ZNF596: variants seen among roughly 807,000 people sequenced by gnomAD.
The protein encoded by ZNF596 is zinc finger protein 596.
In ZNF596, 45 loss-of-function variants were observed where a neutral mutation model predicts 48.3. The ratio of observed to expected loss-of-function variants is 0.93; its 90% CI spans 0.73 to 1.19. The LOEUF is 1.19. ZNF596 is among the 50% of genes most tolerant of loss of function. ZNF596 has a pLI of 0.00. For missense variants in ZNF596, 848 were observed against 599.7 expected (o/e 1.41, Z -4.32); for synonymous variants, 270 against 202.0 (o/e 1.34, Z -2.85).
chr8:240,805 T>C lies in ZNF596; in HGVS notation c.-72-19T>C. The C allele has an allele frequency of 1.3e-6, 2 of 1,544,898 alleles. No homozygotes were observed. Among genetic ancestry groups the C allele is most frequent in the Non-Finnish European group, 1.8e-6 (2 of 1,118,242 alleles). Reference sequence around the variant, plus strand: ...TGGAGTGTCATGGTTTTTTTGTTTTTGTTTTTGTTTTTGCTCAGATTTGTC... The same window carrying C: ...TGGAGTGTCATGGTTTTTTTGTTTTCGTTTTTGTTTTTGCTCAGATTTGTC... On this transcript the variant is annotated intron_variant, in intron 1 of 5. Coordinates refer to ENST00000398612, the MANE Select transcript of ZNF596 (RefSeq NM_001042416.3).
At chr8:243,043 A>T (rs899091699) in intron 3 of ZNF596, 30 bp downstream of exon 3, 1 of 1,570,942 alleles carries the variant, frequency 6.4e-7, no homozygotes, top group South Asian at 1.1e-5. Flanking sequence ...TTATGTATGT[A>T]TATACGGATT....
chr8:244,756 CA>C lies in ZNF596; in HGVS notation c.306+57del. 4.1e-6 allele frequency: 6 copies of C among 1,473,676 alleles called. No individual in the cohort carries two copies. In the South Asian group the frequency reaches 7.2e-5, roughly 18 times the overall value. The allele number at this position is 1,473,676 out of a possible 1,614,324, so 91.3% of individuals were successfully genotyped here. A position where few individuals can be genotyped will look rare whatever the true frequency, so the allele number is the denominator to read the frequency against. On this transcript the variant is annotated intron_variant, in intron 5 of 5. Coordinates refer to ENST00000398612, the MANE Select transcript of ZNF596 (RefSeq NM_001042416.3). ...TACATATAGAAACCTGGACATTAAACAACTTTGGAATTTGGTACAGGTACCT... is the reference window on the plus strand; with the variant it reads ...TACATATAGAAACCTGGACATTAAACACTTTGGAATTTGGTACAGGTACCT...
intron 1 of ZNF596, chr8:233,048 A>C (rs1393422574): frequency 2.1e-6 from 1 of 467,946 alleles, no homozygotes; most frequent in East Asian, 6.9e-5. Context: ...GTGGATGTCG[A>C]GGTGGGGCAG....
At chr8:240,693 ACCAAC>A in intron 1 of ZNF596, 126 bp from the exon 2 acceptor site, 1 of 609,784 alleles carries the variant, frequency 1.6e-6, no homozygotes. Flanking sequence ...GAGGAGAGCC[ACCAAC>A]CCAACCCACC....
intron 4 of ZNF596, chr8:244,285 T>G (rs995796474): frequency 3.6e-6 from 1 of 278,042 alleles, no homozygotes; most frequent in Non-Finnish European, 6.7e-6. Context: ...TAGGTATCAA[T>G]TTTTATTCAA....
At chr8:241,206 T>C (rs202047272) in intron 2 of ZNF596, among the ~76,000 whole-genome samples, 1 of 152,162 alleles carries the variant, frequency 6.6e-6, no homozygotes, top group East Asian at 1.9e-4. Flanking sequence ...CATGGCCTTG[T>C]TGGGGAAATA....
At chr8:240,654 A>T (rs1276629786) in intron 1 of ZNF596, 170 bp from the exon 2 acceptor site, 1 of 531,828 alleles carries the variant, frequency 1.9e-6, no homozygotes, top group Non-Finnish European at 3.4e-6. Context: ...CTTTATTAGC[A>T]GCAATAGTCA....
chr8:246,234 A>G lies in ZNF596; in HGVS notation c.1387A>G (p.Arg463Gly). The G allele has an allele frequency of 3.1e-6, 5 of 1,614,144 alleles. No homozygotes were observed. Among genetic ancestry groups the G allele is most frequent in the Non-Finnish European group, 4.2e-6 (5 of 1,180,008 alleles). Residue 463 changes from arginine (R) to glycine (G), a missense_variant, in exon 6 of 6, where the codon AGA becomes GGA. Arg to Gly is a moderately radical substitution (Grantham distance 125). Coordinates refer to ENST00000398612, the MANE Select transcript of ZNF596 (RefSeq NM_001042416.3). ...AGCCTTCAATAGAAGTTACAACTTT[A>G]GACTTCATAGAAGAGTTCACACTGG... Reference protein sequence around the residue: ...GKAFNRSYNFRLHRRVHTGEK... With the variant: ...GKAFNRSYNFGLHRRVHTGEK...
chr8:243,861 G>C (rs771270944), intron 4 of ZNF596, 56 bp downstream of exon 4: 3 of 1,438,312 alleles, frequency 2.1e-6, no homozygotes, highest in Non-Finnish European at 2.9e-6. Context: ...GCCAGTGAGT[G>C]AGTAGGACCC....
At chr8:243,677 G>C (rs1563068046) in intron 3 of ZNF596, 45 bp from the exon 4 acceptor site, 18 of 1,594,044 alleles carry the variant, frequency 1.1e-5, no homozygotes, top group Non-Finnish European at 1.5e-5. Flanking sequence ...TTGTACATTT[G>C]TCAGCACAGA....
rs149423885 is a variant in ZNF596, at chr8:245,948, A to G, written c.1101A>G (p.Leu367=). 3 of 1,614,140 alleles carry G rather than the reference A, an allele frequency of 1.9e-6. No homozygotes were observed. Among genetic ancestry groups the G allele is most frequent in the Admixed American group, 3.3e-5 (2 of 60,024 alleles). Residue 367 remains leucine (L), a synonymous_variant, in exon 6 of 6, where the codon CTA becomes CTG. Coordinates refer to ENST00000398612, the MANE Select transcript of ZNF596 (RefSeq NM_001042416.3). ...HNGEKPHGCH[L]CGKAFTESSV... is the part of the protein sequence containing the mutation. ...GAGAGAAACCACATGGATGTCATCT[A>G]TGTGGGAAAGCATTCACTGAATCTT...
intron 1 of ZNF596, among the ~76,000 whole-genome samples, chr8:238,628 CAAAAAAAAAAAAA>C (rs1167168569): frequency 2.8e-4 from 11 of 39,860 alleles, no homozygotes; most frequent in East Asian, 7.2e-4. Flanking sequence ...TGGTGAAATA[CAAAAAAAAAAAAA>C]AAAAAAAAAA....
rs768732532 is a variant in ZNF596, at chr8:245,575, G to T, written c.728G>T (p.Arg243Ile). The T allele has an allele frequency of 6.2e-7, 1 of 1,613,990 alleles. No individual in the cohort carries two copies. Among genetic ancestry groups the T allele is most frequent in the Admixed American group, 1.7e-5 (1 of 59,996 alleles). Reference sequence around the variant, plus strand: ...TGCTCTGATCTTCGAAAACATGAGAGAACTCACACTGGAGAGAAGCCATAT... The same window carrying T: ...TGCTCTGATCTTCGAAAACATGAGATAACTCACACTGGAGAGAAGCCATAT... Reference protein sequence around the residue: ...THCSDLRKHERTHTGEKPYGC... With the variant: ...THCSDLRKHEITHTGEKPYGC... The change falls in exon 6 of 6, where the codon AGA becomes ATA. Residue 243 changes from arginine (R) to isoleucine (I), a missense_variant. By Grantham distance (97) the Arg-to-Ile change is moderately conservative. Transcript: ENST00000398612.
In ZNF596 at chr8:246,154, G is replaced by T. The variant is rs751424005; in HGVS notation, c.1307G>T (p.Arg436Leu). The T allele has an allele frequency of 1.9e-6, 3 of 1,613,086 alleles. No individual in the cohort carries two copies. Among genetic ancestry groups the T allele is most frequent in the Admixed American group, 3.3e-5 (2 of 59,958 alleles). ...KAFNHSSVLR[R>L]HERTHTGEKP... ...TTCAATCACTCTTCTGTCCTTAGACGACATGAGAGAACTCACACTGGAGAG... is the reference window on the plus strand; with the variant it reads ...TTCAATCACTCTTCTGTCCTTAGACTACATGAGAGAACTCACACTGGAGAG... The change falls in exon 6 of 6, where the codon CGA becomes CTA. Residue 436 changes from arginine to leucine, a missense_variant. Transcript: ENST00000398612.
At chr8:234,059 G>A (rs185318056) in intron 1 of ZNF596, among the ~76,000 whole-genome samples, 70 of 152,246 alleles carry the variant, frequency 4.6e-4, no homozygotes, top group Admixed American at 2.7e-3. Flanking sequence ...ACACAACAAA[G>A]GTATCTTTCT....
intron 1 of ZNF596, among the ~76,000 whole-genome samples, chr8:239,693 G>GT (rs1201471968): frequency 6.6e-6 from 1 of 152,184 alleles, no homozygotes; most frequent in Non-Finnish European, 1.5e-5. Flanking sequence ...GGGTACCATT[G>GT]TTTCAGCATA....
intron 3 of ZNF596, 72 bp from the exon 4 acceptor site, chr8:243,650 C>A (rs1445326906): frequency 3.4e-6 from 5 of 1,480,586 alleles, no homozygotes; most frequent in Non-Finnish European, 4.7e-6. Flanking sequence ...CAGTAGGCTG[C>A]CCTGTATCTG....
At position 238,581 on chromosome 8, in the gene ZNF596, A is replaced by G. The variant is rs549012011; in HGVS notation, c.-72-2243A>G. Among the ~76,000 whole-genome samples, 257 of 143,226 alleles carry G rather than the reference A, an allele frequency of 1.8e-3. 1 individual carries two copies. The highest frequency in any genetic ancestry group is 6.5e-3 in the African/African-American group (243 of 37,610). 94.0% of individuals were successfully genotyped at this position (143,226 alleles called of 152,430 possible). ...TTTGAGAGGCCGAGGTAGGCAGATCATTTGAGGCCAGGAGTTCAAAATCAG... is the reference window on the plus strand; with the variant it reads ...TTTGAGAGGCCGAGGTAGGCAGATCGTTTGAGGCCAGGAGTTCAAAATCAG... On this transcript the variant is annotated intron_variant, in intron 1 of 5. Transcript: ENST00000398612.
chr8:236,420 G>C (rs534419057), intron 1 of ZNF596, among the ~76,000 whole-genome samples: 3 of 151,900 alleles, frequency 2.0e-5, no homozygotes, highest in Non-Finnish European at 4.4e-5. Context: ...TTTCCCTCTT[G>C]TTTTGGTCCC....
Sources: allele counts gnomAD v4.1 joint callset (sites outside exome capture counted in the v4.1 genomes callset), GRCh38; gene constraint gnomAD v4.1.1; transcripts MANE v1.5; gene names NCBI Gene and HGNC (gene_info 2026-07-23, HGNC 2026-07-21).